F13A1: variants seen among roughly 807,000 people sequenced by gnomAD.
The protein encoded by F13A1 is coagulation factor XIII A chain.
Under a neutral mutation model 80.1 loss-of-function variants are expected in F13A1, and 47 were observed. The observed-to-expected ratio is 0.59, with a 90% CI of 0.46 to 0.75. F13A1 has a LOEUF of 0.75. Ranked by LOEUF, F13A1 falls within the 30% of genes least tolerant of loss-of-function variation. The pLI, the probability that F13A1 is intolerant of heterozygous loss-of-function variation, is 0.00. For synonymous variants in F13A1, 349 were observed against 344.9 expected (o/e 1.01, Z -0.13); for missense variants, 817 against 930.4 (o/e 0.88, Z 1.59).
chr6:6,233,036 C>G (rs989353395), intron 6 of F13A1, among the ~76,000 whole-genome samples: 1 of 151,872 alleles, frequency 6.6e-6, no homozygotes, highest in African/African-American at 2.4e-5. Flanking sequence ...AAGGTTACAC[C>G]TCAAGGAACT....
At chr6:6,245,514 G>A (rs1257025902) in intron 6 of F13A1, among the ~76,000 whole-genome samples, 4 of 152,194 alleles carry the variant, frequency 2.6e-5, no homozygotes, top group South Asian at 4.1e-4. Context: ...GTGAGCCACC[G>A]TTCCTGGCCC....
intron 2 of F13A1, among the ~76,000 whole-genome samples, chr6:6,318,041 T>C (rs575602679): frequency 6.6e-6 from 1 of 152,302 alleles, no homozygotes; most frequent in African/African-American, 2.4e-5. Context: ...AATAGAGGGC[T>C]TCTATCTCTA....
chr6:6,226,839 A>T (rs989587288), intron 6 of F13A1, among the ~76,000 whole-genome samples: 1 of 152,184 alleles, frequency 6.6e-6, no homozygotes, highest in African/African-American at 2.4e-5. Context: ...GGATGTAAAG[A>T]TTACTGGTAT....
At chr6:6,214,678 T>C (rs1583075428) in intron 8 of F13A1, among the ~76,000 whole-genome samples, 2 of 96,420 alleles carry the variant, frequency 2.1e-5, no homozygotes, top group Non-Finnish European at 4.0e-5. Flanking sequence ...ATAACTAAAA[T>C]CAGAGCAGAA....
chr6:6,219,030 TGAA>T (rs1177267037), intron 8 of F13A1, among the ~76,000 whole-genome samples: 1 of 152,006 alleles, frequency 6.6e-6, no homozygotes, highest in African/African-American at 2.4e-5. Context: ...ACCTGAGTGT[TGAA>T]GAAGAAATAG....
intron 12 of F13A1, among the ~76,000 whole-genome samples, chr6:6,173,514 TCTC>T (rs1189702167): frequency 6.6e-6 from 1 of 151,866 alleles, no homozygotes; most frequent in Admixed American, 6.6e-5. Context: ...TTCGAGCAAT[TCTC>T]CTGCCTCAGC....
chr6:6,305,197 C>A (rs1266903036), intron 3 of F13A1, 154 bp downstream of exon 3: 4 of 855,752 alleles, frequency 4.7e-6, no homozygotes, highest in Non-Finnish European at 7.8e-6. Flanking sequence ...ACAGACCAGT[C>A]TTAGAGCACA....
chr6:6,156,382 A>C (rs141887597), intron 13 of F13A1, among the ~76,000 whole-genome samples: 2 of 152,222 alleles, frequency 1.3e-5, no homozygotes, highest in African/African-American at 2.4e-5. Context: ...TCCACTAAGC[A>C]TATGCTTTAA....
At chr6:6,272,600 G>A (rs149549424) in intron 3 of F13A1, among the ~76,000 whole-genome samples, 1 of 152,282 alleles carries the variant, frequency 6.6e-6, no homozygotes, top group East Asian at 1.9e-4. Flanking sequence ...CATATCGTTA[G>A]GGAAACGAAC....
rs141247035 is a variant in F13A1, at chr6:6,304,795, A to G, written c.319+556T>C. Among the ~76,000 whole-genome samples, 726 of 149,106 alleles carry G rather than the reference A, an allele frequency of 4.9e-3. 6 individuals are homozygous for G. The highest frequency in any genetic ancestry group is 0.017 in the African/African-American group (690 of 39,932). On this transcript the variant is annotated intron_variant, in intron 3 of 14. Coordinates refer to ENST00000264870, the MANE Select transcript of F13A1 (RefSeq NM_000129.4). ...CCAGAATCGCTTGAACCTAGGAGGAAGAGGTTGCAGTGAGCTGAGATCACA... is the reference window on the plus strand; with the variant it reads ...CCAGAATCGCTTGAACCTAGGAGGAGGAGGTTGCAGTGAGCTGAGATCACA...
At chr6:6,183,039 C>T (rs1313034608) in intron 10 of F13A1, among the ~76,000 whole-genome samples, 1 of 152,164 alleles carries the variant, frequency 6.6e-6, no homozygotes. Flanking sequence ...TACTATTCTA[C>T]TTTCTAGAGA....
chr6:6,296,542 CTGTT>C (rs1466270056), intron 3 of F13A1, among the ~76,000 whole-genome samples: 85 of 150,780 alleles, frequency 5.6e-4, no homozygotes, highest in Non-Finnish European at 3.5e-4. Flanking sequence ...ATTTGGCTCT[CTGTT>C]TGTCTGTTGC....
chr6:6,253,162 A>AAAAG (rs1275811907), intron 4 of F13A1, among the ~76,000 whole-genome samples: 7 of 106,346 alleles, frequency 6.6e-5, no homozygotes, highest in African/African-American at 1.7e-4. Context: ...AAAAAAAAAA[A>AAAAG]AGAGAGAGAG....
Position 6,167,525 on chromosome 6 carries a change from T to C in F13A1, c.1841A>G (p.Asn614Ser), listed in dbSNP as rs1213983804. 1.1e-5 allele frequency: 18 copies of C among 1,613,982 alleles called. No individual in the cohort carries two copies. Among genetic ancestry groups the C allele is most frequent in the African/African-American group, 4.0e-5 (3 of 74,898 alleles). Reference protein sequence around the residue: ...SLHFFVTARINETRDVLAKQK... With the variant: ...SLHFFVTARISETRDVLAKQK... ...CTTGGCCAGAACATCCCTGGTCTCA[T>C]TGATGCGAGCTGTGACAAAGAAGTG... is the stretch of plus-strand genomic sequence containing the variant. Residue 614 changes from asparagine to serine, a missense_variant, in exon 13 of 15, where the codon AAT (asparagine) becomes AGT (serine). By Grantham distance (46) the Asn-to-Ser change is conservative (BLOSUM62 1). Coordinates refer to ENST00000264870, the MANE Select transcript of F13A1 (RefSeq NM_000129.4).
At chr6:6,184,275 A>G (rs1761039366) in intron 10 of F13A1, among the ~76,000 whole-genome samples, 1 of 152,240 alleles carries the variant, frequency 6.6e-6, no homozygotes, top group African/African-American at 2.4e-5. Context: ...CTGGAGAAGC[A>G]GCTCAAGCCC....
At chr6:6,203,172 A>G (rs1358691831) in intron 8 of F13A1, among the ~76,000 whole-genome samples, 1 of 152,262 alleles carries the variant, frequency 6.6e-6, no homozygotes, top group African/African-American at 2.4e-5. Context: ...TAGGCAAGAA[A>G]GACATCCATG....
chr6:6,254,140 A>C lies in F13A1; in HGVS notation c.572-3211T>G, dbSNP rs183189250. On this transcript the variant is annotated intron_variant, in intron 4 of 14. Transcript: ENST00000264870. ...TCTCCTACCATATCGGCAAATATTA[A>C]AACAAATGATTAACCACCAGTGCCA... Among the ~76,000 whole-genome samples the C allele has an allele frequency of 1.3e-3, 198 of 152,344 alleles. 1 individual carries two copies. The highest frequency in any genetic ancestry group is 4.4e-3 in the African/African-American group (185 of 41,582).
chr6:6,234,642 T>G (rs1318071892), intron 6 of F13A1, among the ~76,000 whole-genome samples: 2 of 152,012 alleles, frequency 1.3e-5, no homozygotes, highest in African/African-American at 4.8e-5. Flanking sequence ...TGTTTTAGTG[T>G]GTGGGTCTCT....
chr6:6,205,898 A>C (rs1761478988), intron 8 of F13A1, among the ~76,000 whole-genome samples: 1 of 152,190 alleles, frequency 6.6e-6, no homozygotes, highest in East Asian at 1.9e-4. Context: ...TAGTTAGCAG[A>C]AAGCCCTTTC....
Sources: allele counts gnomAD v4.1 joint callset (sites outside exome capture counted in the v4.1 genomes callset), GRCh38; gene constraint gnomAD v4.1.1; transcripts MANE v1.5; gene names NCBI Gene and HGNC (gene_info 2026-07-23, HGNC 2026-07-21).